The following DDX60L variants were observed in gnomAD, a reference collection of about 807,000 sequenced individuals.
DDX60L encodes the protein DExD/H-box 60 like.
A neutral mutation model predicts 211.6 loss-of-function variants in DDX60L; 191 were observed. The ratio of observed to expected loss-of-function variants is 0.90; its 90% CI spans 0.80 to 1.02. The LOEUF (loss-of-function observed/expected upper bound fraction) is 1.02. DDX60L is among the 50% of genes least tolerant of loss of function. The probability of loss-of-function intolerance (pLI) is 0.00; values close to 1 mark genes in which losing one functional copy is unlikely to be tolerated. For synonymous variants in DDX60L, 706 were observed against 694.1 expected (o/e 1.02, Z -0.27); for missense variants, 2,007 against 1,984.1 (o/e 1.01, Z -0.22).
intron 22 of DDX60L, 45 bp from the exon 23 acceptor site, chr4:168,406,751 A>T (rs1747817120): frequency 1.5e-6 from 2 of 1,302,946 alleles, no homozygotes; most frequent in Non-Finnish European, 2.1e-6. Context: ...ATAAAATTAC[A>T]ATGTTTATAT....
chr4:168,396,553 T>C (rs1189409845), intron 26 of DDX60L, among the ~76,000 whole-genome samples: 2 of 151,700 alleles, frequency 1.3e-5, no homozygotes, highest in African/African-American at 2.4e-5. Flanking sequence ...AAAGGGTAAT[T>C]TAAATATCCA....
rs1345494679 is a variant in DDX60L at position 168,443,015 on chromosome 4, A to C, written c.1139-1523T>G. ...GCAGTTCCTCACCAGCAATGGAACA[A>C]AGCTGGATGGAGAATGACTTTGATG... is the stretch of plus-strand genomic sequence containing the variant. On this transcript the variant is annotated intron_variant, in intron 9 of 37. Transcript: ENST00000682922. 2.6e-5 allele frequency among the ~76,000 whole-genome samples: 4 copies of C among 152,326 alleles called. No homozygotes were observed. The East Asian group carries it at 7.7e-4, about 29-fold the overall frequency.
At chr4:168,387,261 T>C (rs891413790) in intron 29 of DDX60L, among the ~76,000 whole-genome samples, 1 of 152,188 alleles carries the variant, frequency 6.6e-6, no homozygotes, top group Non-Finnish European at 1.5e-5. Context: ...CCAGCTGCTG[T>C]TGGTGGTGCC....
chr4:168,430,360 A>T, intron 13 of DDX60L, 118 bp downstream of exon 13: 1 of 891,032 alleles, frequency 1.1e-6, no homozygotes. Context: ...GAATGGACTA[A>T]GACAGTTAGC....
Position 168,432,510 on chromosome 4 carries a change from C to T in DDX60L, c.1461G>A (p.Trp487Ter), listed in dbSNP as rs753454511. Residue 487 changes from tryptophan (W) to a stop codon, truncating the protein, a stop_gained, in exon 12 of 38, where the codon TGG (tryptophan) becomes TGA (stop). Coordinates refer to ENST00000682922, the MANE Select transcript of DDX60L (RefSeq NM_001012967.3). LOFTEE classifies it high-confidence loss of function. ...KQKTSDELLHWHAQRLLSDDY... is the reference protein window; with the variant it reads ...KQKTSDELLH ...CGTCACTAAGGAGTCTTTGAGCATG[C>T]CAGTGCAAAAGTTCATCAGATGTCT... 1.9e-6 allele frequency: 3 copies of T among 1,585,974 alleles called. No homozygotes were observed. The South Asian group carries it at 3.4e-5, about 18-fold the overall frequency.
intron 9 of DDX60L, among the ~76,000 whole-genome samples, chr4:168,441,755 G>A (rs184883815): frequency 1.1e-3 from 163 of 152,148 alleles, no homozygotes; most frequent in Non-Finnish European, 1.8e-3. Context: ...AGGCTGAGGC[G>A]GGAGGATCGC....
intron 36 of DDX60L, among the ~76,000 whole-genome samples, chr4:168,364,767 T>C (rs1157858124): frequency 6.6e-6 from 1 of 152,230 alleles, no homozygotes; most frequent in Admixed American, 6.5e-5. Context: ...GGATAGATCA[T>C]ATGTTTGATC....
intron 5 of DDX60L, among the ~76,000 whole-genome samples, chr4:168,461,456 G>C (rs1391447933): frequency 6.6e-6 from 1 of 152,118 alleles, no homozygotes; most frequent in Non-Finnish European, 1.5e-5. Flanking sequence ...TGAATAGATA[G>C]ATATAATAAT....
chr4:168,461,671 A>AC (rs5863935), intron 5 of DDX60L, 28 bp downstream of exon 5: 477,049 of 1,428,462 alleles, frequency 0.33, 85,451 homozygotes, highest in East Asian at 0.65. Context: ...AGAAATCAGG[A>AC]AAAAAATGAG....
Position 168,455,183 on chromosome 4 carries a change from CT to C in DDX60L, c.837+855del, listed in dbSNP as rs569129372. On this transcript the variant is annotated intron_variant, in intron 7 of 37. Coordinates refer to ENST00000682922, the MANE Select transcript of DDX60L (RefSeq NM_001012967.3). ...ACATTATTTCTTTCTTTTTCTTTTT[CT>C]TTTTTTTTCTATTTCTTTTATTGCT... 4.4e-4 allele frequency among the ~76,000 whole-genome samples: 65 copies of C among 149,156 alleles called. 1 individual carries two copies. The South Asian group carries it at 8.7e-3, about 20-fold the overall frequency.
chr4:168,417,571 A>T (rs1447034271), intron 19 of DDX60L, among the ~76,000 whole-genome samples: 1 of 151,326 alleles, frequency 6.6e-6, no homozygotes, highest in Non-Finnish European at 1.5e-5. Context: ...AAACTAACTG[A>T]TTTTTTTTTC....
chr4:168,361,245 T>A (rs373253142), intron 36 of DDX60L, 34 bp from the exon 37 acceptor site: 2 of 1,392,850 alleles, frequency 1.4e-6, no homozygotes. Context: ...TTAAAAAGTA[T>A]AAAAACATAA....
chr4:168,442,410 G>A (rs569567968), intron 9 of DDX60L, among the ~76,000 whole-genome samples: 43 of 152,246 alleles, frequency 2.8e-4, no homozygotes, highest in African/African-American at 7.7e-4. Flanking sequence ...ACTGCAAGGC[G>A]GCAGCGAGGC....
In DDX60L at chr4:168,479,937, T is replaced by C. The variant is rs1003705927; in HGVS notation, c.-111+440A>G. Among the ~76,000 whole-genome samples, 5 of 129,216 alleles carry C rather than the reference T, an allele frequency of 3.9e-5. No homozygotes were observed. In the Admixed American group the frequency reaches 4.1e-4, roughly 11 times the overall value. The allele number at this position is 129,216 out of a possible 152,430, so 84.8% of individuals were successfully genotyped here. A position where few individuals can be genotyped will look rare whatever the true frequency, so the allele number is the denominator to read the frequency against. On this transcript the variant is annotated intron_variant, in intron 1 of 37. Transcript: ENST00000682922. ...AGGTGGAGGTTGCAGTGAGCAGAGATAACGCCACTGCACTCCAGCCTGGGC... is the reference window on the plus strand; with the variant it reads ...AGGTGGAGGTTGCAGTGAGCAGAGACAACGCCACTGCACTCCAGCCTGGGC...
chr4:168,383,703 C>CT (rs1208700831), intron 30 of DDX60L, among the ~76,000 whole-genome samples: 1 of 152,150 alleles, frequency 6.6e-6, no homozygotes, highest in Non-Finnish European at 1.5e-5. Flanking sequence ...TCCAATGCCT[C>CT]TCTGGGCCTG....
At position 168,421,789 on chromosome 4, in the gene DDX60L, C is replaced by A. The variant is rs375977740; in HGVS notation, c.2365G>T (p.Gly789Trp). ...MEKVLRESDV[G>W]VVVYVAPAKS... Reference sequence around the variant, plus strand: ...GCGGGTGCAACGTACACAACCACCCCGACATCGCTCTCCCTCAGCACTTTC... The same window carrying A: ...GCGGGTGCAACGTACACAACCACCCAGACATCGCTCTCCCTCAGCACTTTC... Residue 789 changes from glycine to tryptophan, a missense_variant, in exon 17 of 38, where the codon GGG becomes TGG. Transcript: ENST00000682922. 16 of 1,614,004 alleles carry A rather than the reference C, an allele frequency of 9.9e-6. No homozygotes were observed. In the South Asian group the frequency reaches 1.5e-4, roughly 16 times the overall value.
At chr4:168,362,676 ATTAAGTT>A (rs1461225140) in intron 36 of DDX60L, among the ~76,000 whole-genome samples, 1 of 152,242 alleles carries the variant, frequency 6.6e-6, no homozygotes, top group African/African-American at 2.4e-5. Flanking sequence ...AATTCAATGC[ATTAAGTT>A]TTAAAAGAAT....
intron 26 of DDX60L, among the ~76,000 whole-genome samples, chr4:168,397,753 G>C (rs1253584337): frequency 1.3e-5 from 2 of 152,222 alleles, no homozygotes; most frequent in African/African-American, 4.8e-5. Context: ...CCGCTGCCAG[G>C]ACACCGGCTG....
intron 9 of DDX60L, among the ~76,000 whole-genome samples, chr4:168,442,388 G>C (rs1336209663): frequency 5.3e-5 from 8 of 152,186 alleles, no homozygotes; most frequent in Non-Finnish European, 2.9e-5. Context: ...TAGCACAGCA[G>C]TCTGAGATCA....
Sources: gnomAD v4.1 joint callset for allele counts (sites outside exome capture counted in the v4.1 genomes callset) on GRCh38, gnomAD v4.1.1 for gene constraint, MANE v1.5 for transcripts, NCBI Gene and HGNC (gene_info 2026-07-23, HGNC 2026-07-21) for gene names.